Variants in DOT1L observed in about 807,000 individuals in gnomAD.
The protein encoded by DOT1L is DOT1 like histone lysine methyltransferase.
DOT1L carries 33 observed loss-of-function variants against 153.3 expected under a neutral mutation model. The observed-to-expected ratio is 0.22, with a 90% CI of 0.16 to 0.29. The LOEUF (loss-of-function observed/expected upper bound fraction) is 0.29. Among genes scored for constraint, DOT1L ranks in the 10% least tolerant of loss-of-function variants. The probability of loss-of-function intolerance (pLI) is 1.00; values close to 1 mark genes in which losing one functional copy is unlikely to be tolerated. For missense variants in DOT1L, 1,847 were observed against 2,119.9 expected (o/e 0.87, Z 2.53); for synonymous variants, 1,135 against 965.1 (o/e 1.18, Z -3.26).
chr19:2,184,035 G>A (rs1175119551), intron 2 of DOT1L, among the ~76,000 whole-genome samples: 4 of 152,172 alleles, frequency 2.6e-5, no homozygotes, highest in Admixed American at 6.5e-5. Context: ...CGGTGTCCGC[G>A]CGTATTCCTC....
chr19:2,213,790 G>T (rs1568359399), intron 17 of DOT1L, 59 bp from the exon 18 acceptor site: 1 of 1,608,966 alleles, frequency 6.2e-7, no homozygotes. Flanking sequence ...GTCATGCCTG[G>T]GGGCTTACTT....
intron 1 of DOT1L, among the ~76,000 whole-genome samples, chr19:2,165,484 G>C (rs2019878580): frequency 6.6e-6 from 1 of 152,224 alleles, no homozygotes; most frequent in Non-Finnish European, 1.5e-5. Context: ...TGGCTTCTCT[G>C]GTTGGGCAGC....
chr19:2,201,562 ACTT>A (rs2023282936), intron 8 of DOT1L, among the ~76,000 whole-genome samples: 3 of 152,104 alleles, frequency 2.0e-5, no homozygotes, highest in Non-Finnish European at 4.4e-5. Context: ...TCCTGTGTGA[ACTT>A]CCATTTGGGT....
At position 2,164,285 on chromosome 19, in the gene DOT1L, G is replaced by A. The variant is rs2019822304; in HGVS notation, c.81+20G>A. On this transcript the variant is annotated intron_variant, in intron 1 of 27. Coordinates refer to ENST00000398665, the MANE Select transcript of DOT1L (RefSeq NM_032482.3). ...GTCTACGTGAGTGCCGCCCTCCACC[G>A]TCCCTACCTCCCGGCCTCCCCTCCT... The A allele has an allele frequency of 8.1e-7, 1 of 1,240,720 alleles. No homozygotes were observed. The highest frequency in any genetic ancestry group is 1.6e-5 in the African/African-American group (1 of 64,172). The allele number at this position is 1,240,720 out of a possible 1,614,324, so 76.9% of individuals were successfully genotyped here.
intron 6 of DOT1L, among the ~76,000 whole-genome samples, chr19:2,194,072 C>T (rs1233870755): frequency 2.0e-5 from 3 of 152,234 alleles, no homozygotes; most frequent in Non-Finnish European, 2.9e-5. Flanking sequence ...TCAGCTCTAC[C>T]TCGTGGCACA....
chr19:2,170,002 C>CA (rs1568325002), intron 1 of DOT1L, among the ~76,000 whole-genome samples: 1 of 152,042 alleles, frequency 6.6e-6, no homozygotes, highest in Admixed American at 6.6e-5. Context: ...ACCAAAAATA[C>CA]AAAAATTAGC....
chr19:2,214,164 C>T (rs1303035930), intron 18 of DOT1L, 178 bp downstream of exon 18: 5 of 1,137,238 alleles, frequency 4.4e-6, no homozygotes, highest in East Asian at 2.6e-5. Context: ...CAGGCCTGGG[C>T]CCCTCGGCTG....
chr19:2,223,546 C>T (rs1467661225), intron 25 of DOT1L, 60 bp downstream of exon 25: 1 of 453,912 alleles, frequency 2.2e-6, no homozygotes. Context: ...GGTGCCTGCT[C>T]ACTGTGTGTG....
chr19:2,210,660 G>C lies in DOT1L; in HGVS notation c.1156G>C (p.Val386Leu). ...AEEEKAGAAT[V>L]KKPSPSKARK... ...GGAAGAGAAGGCGGGAGCAGCCACC[G>C]TGAAGAAGCCGTCTCCCTCCAAAGC... The change falls in exon 14 of 28, where the codon GTG becomes CTG. Residue 386 changes from valine to leucine, a missense_variant. Coordinates refer to ENST00000398665, the MANE Select transcript of DOT1L (RefSeq NM_032482.3). The C allele has an allele frequency of 4.3e-6, 7 of 1,612,950 alleles. No individual in the cohort carries two copies. Among genetic ancestry groups the C allele is most frequent in the Non-Finnish European group, 5.9e-6 (7 of 1,179,878 alleles).
At chr19:2,200,833 G>A (rs1323980792) in intron 8 of DOT1L, among the ~76,000 whole-genome samples, 32 of 126,154 alleles carry the variant, frequency 2.5e-4, no homozygotes, top group Admixed American at 4.9e-4. Flanking sequence ...CGTCCTCCCC[G>A]CATTCCTCGT....
chr19:2,211,704 C>T, intron 15 of DOT1L, 47 bp from the exon 16 acceptor site: 1 of 1,495,710 alleles, frequency 6.7e-7, no homozygotes, highest in Non-Finnish European at 9.1e-7. Context: ...TCTTCCCTCT[C>T]AGTCTCAGCT....
At position 2,223,410 on chromosome 19, in the gene DOT1L, C is replaced by G; in HGVS notation, c.3520C>G (p.Gln1174Glu). The change falls in exon 25 of 28, where the codon CAG becomes GAG. Residue 1174 changes from glutamine to glutamate, a missense_variant. Physicochemically the swap from Gln to Glu is conservative, Grantham distance 29. This residue lies in a region of DOT1L where 934 missense variants were observed against 825.3 expected (regional missense o/e 1.13). Coordinates refer to ENST00000398665, the MANE Select transcript of DOT1L (RefSeq NM_032482.3). ...PVLKKERPLS[Q>E]TNGAHYSPLT... ...GCTCAAGAAGGAGCGGCCTCTGAGC[C>G]AGACCAATGGGGCACACTACTCCCC... 5.0e-6 allele frequency: 8 copies of G among 1,613,758 alleles called. No homozygotes were observed. Among genetic ancestry groups the G allele is most frequent in the Non-Finnish European group, 6.8e-6 (8 of 1,179,988 alleles).
At chr19:2,186,223 C>T (rs895245525) in intron 3 of DOT1L, among the ~76,000 whole-genome samples, 7 of 152,254 alleles carry the variant, frequency 4.6e-5, no homozygotes, top group South Asian at 2.1e-4. Context: ...GGGCGGCTGA[C>T]GGCCAGAAGT....
rs535887572 is a variant in DOT1L, at chr19:2,209,030, G to A, written c.1005+54G>A. The A allele has an allele frequency of 1.5e-5, 24 of 1,589,084 alleles. No individual in the cohort carries two copies. The African/African-American group carries it at 3.2e-4, about 22-fold the overall frequency. ...TAATAACACGCATGCACTGATGTGG[G>A]GAAATGCAAAGCCGTGCGCAGCCGG... On this transcript the variant is annotated intron_variant, in intron 12 of 27. Coordinates refer to ENST00000398665, the MANE Select transcript of DOT1L (RefSeq NM_032482.3).
At chr19:2,206,595 G>T in intron 9 of DOT1L, 134 bp from the exon 10 acceptor site, 3 of 714,022 alleles carry the variant, frequency 4.2e-6, no homozygotes, top group Non-Finnish European at 7.5e-6. Context: ...AGTGTTGCTT[G>T]TAGGCAGGTG....
intron 1 of DOT1L, among the ~76,000 whole-genome samples, chr19:2,178,856 C>T (rs2022090174): frequency 1.3e-5 from 2 of 152,224 alleles, no homozygotes; most frequent in African/African-American, 4.8e-5. Flanking sequence ...TGAGCCACCA[C>T]GCCAACCCCT....
rs2024171722 is a variant in DOT1L, at chr19:2,222,689, AG to A, written c.3390+132del. ...GCCGAGGCGGGTGGATCACAAGATC[AG>A]GACATCAAGACCATCCTGGCTAACA... On this transcript the variant is annotated intron_variant, in intron 24 of 27. Coordinates refer to ENST00000398665, the MANE Select transcript of DOT1L (RefSeq NM_032482.3). This position sits in a 1 kb window ranked among gnomAD's most constrained non-coding sequence, Gnocchi z 6.5. 1 of 865,640 alleles carries A rather than the reference AG, an allele frequency of 1.2e-6. No individual in the cohort carries two copies. Among genetic ancestry groups the A allele is most frequent in the Non-Finnish European group, 1.7e-6 (1 of 581,004 alleles). 53.6% of individuals were successfully genotyped at this position (865,640 alleles called of 1,614,324 possible).
At chr19:2,177,532 A>T (rs1599539795) in intron 1 of DOT1L, among the ~76,000 whole-genome samples, 2 of 152,210 alleles carry the variant, frequency 1.3e-5, no homozygotes, top group East Asian at 3.9e-4. Flanking sequence ...ATTACTAGTG[A>T]TAGAGCTAAT....
rs1299685654 is a variant in DOT1L, at chr19:2,197,499, G to A, written c.652-2385G>A. ...GGTGCTGTCGGGTGGTGGGGCTGCC[G>A]CAGCACTGCTCCCCCTTCTGCCTCA... On this transcript the variant is annotated intron_variant, in intron 7 of 27. Transcript: ENST00000398665. This position sits in a 1 kb window ranked among gnomAD's most constrained non-coding sequence, Gnocchi z 4.1. 1.3e-5 allele frequency among the ~76,000 whole-genome samples: 2 copies of A among 152,178 alleles called. No homozygotes were observed. The highest frequency in any genetic ancestry group is 6.5e-5 in the Admixed American group (1 of 15,278).
Sources: gnomAD v4.1 joint callset for allele counts (sites outside exome capture counted in the v4.1 genomes callset) on GRCh38, gnomAD v4.1.1 for gene constraint, gnomAD v4.1.1 regional missense constraint, Gnocchi (gnomAD v3.1) non-coding constraint, MANE v1.5 for transcripts, NCBI Gene and HGNC (gene_info 2026-07-23, HGNC 2026-07-21) for gene names.